Variants in GPR89B observed in about 807,000 individuals in gnomAD.
GPR89B encodes the protein golgi pH regulator B.
A neutral mutation model predicts 52.4 loss-of-function variants in GPR89B; 25 were observed. That is an observed-to-expected ratio of 0.48 (90% CI 0.35 to 0.67). The LOEUF is 0.67. GPR89B is among the 30% of genes least tolerant of loss of function. The pLI, the probability that GPR89B is intolerant of heterozygous loss-of-function variation, is 0.01. For missense variants in GPR89B, 146 were observed against 450.2 expected, an observed-to-expected ratio of 0.32 and a Z score of 6.11; for synonymous variants, 52 against 151.2, an observed-to-expected ratio of 0.34 and a Z score of 4.81.
At chr1:148,004,886 AACACACACACACACACACAC>A in the GPR89B span, among the ~76,000 whole-genome samples, 10 of 111,976 alleles carry the variant, frequency 8.9e-5, 1 homozygote, top group South Asian at 6.9e-4. Flanking sequence ...ATCTCTACAA[AACACACACACACACACACAC>A]ACACACACAC....
At chr1:148,018,753 G>T in the GPR89B span, among the ~76,000 whole-genome samples, 1 of 151,466 alleles carries the variant, frequency 6.6e-6, no homozygotes, top group Admixed American at 6.6e-5. Flanking sequence ...CACAACCTCC[G>T]CCTCCCAGGT....
chr1:148,025,281 A>G, the GPR89B span, among the ~76,000 whole-genome samples: 2 of 151,868 alleles, frequency 1.3e-5, no homozygotes, highest in African/African-American at 4.9e-5. Flanking sequence ...TCCTAATTGT[A>G]GAATGAGCAA....
the GPR89B span, chr1:148,011,570 G>C: frequency 6.6e-6 from 1 of 152,282 alleles, no homozygotes; most frequent in African/African-American, 2.4e-5. Flanking sequence ...TTCGTGAGTC[G>C]GAGAGCCATC....
At chr1:147,988,917 C>T (rs1658861802) in intron 12 of GPR89B, among the ~76,000 whole-genome samples, 2 of 136,158 alleles carry the variant, frequency 1.5e-5, no homozygotes, top group African/African-American at 5.5e-5. Flanking sequence ...AAGAATTCTG[C>T]CTCCTGAGAC....
chr1:147,999,621 C>T, the GPR89B span, among the ~76,000 whole-genome samples: 1 of 150,350 alleles, frequency 6.7e-6, no homozygotes. Flanking sequence ...AAAGTGTGCT[C>T]CTTCTTACAT....
intron 10 of GPR89B, among the ~76,000 whole-genome samples, chr1:147,982,323 G>A (rs1439794338): frequency 1.3e-5 from 2 of 151,750 alleles, no homozygotes; most frequent in African/African-American, 4.9e-5. Flanking sequence ...GCCTCCCAAA[G>A]TGCTAGGATT....
intron 10 of GPR89B, among the ~76,000 whole-genome samples, chr1:147,971,090 T>C (rs1403569273): frequency 6.6e-6 from 1 of 151,740 alleles, no homozygotes; most frequent in African/African-American, 2.4e-5. Flanking sequence ...TGAATGAAGA[T>C]AGTATGTTCA....
At chr1:147,964,273 A>G (rs1178364918) in intron 7 of GPR89B, among the ~76,000 whole-genome samples, 1 of 152,022 alleles carries the variant, frequency 6.6e-6, no homozygotes, top group Non-Finnish European at 1.5e-5. Flanking sequence ...CTGACTTCCT[A>G]CTAGAAACAA....
chr1:148,013,386 G>C, the GPR89B span, among the ~76,000 whole-genome samples: 1 of 152,114 alleles, frequency 6.6e-6, no homozygotes, highest in East Asian at 1.9e-4. Context: ...TGGTAGAGAC[G>C]CTGCAAAGCG....
At chr1:148,011,126 A>G in the GPR89B span, 1 of 152,158 alleles carries the variant, frequency 6.6e-6, no homozygotes, top group South Asian at 2.1e-4. Flanking sequence ...TCCCGGCCAA[A>G]GCAGGCCTTC....
the GPR89B span, among the ~76,000 whole-genome samples, chr1:148,018,609 A>G: frequency 1.3e-5 from 2 of 151,284 alleles, no homozygotes; most frequent in African/African-American, 4.9e-5. Flanking sequence ...GGAAATGTGG[A>G]CTCTAATGGT....
intron 1 of GPR89B, among the ~76,000 whole-genome samples, chr1:147,935,152 C>T (rs1180319251): frequency 1.3e-5 from 2 of 152,104 alleles, no homozygotes; most frequent in African/African-American, 4.8e-5. Context: ...TTTGGGAGGG[C>T]AGAGAGGGCC....
the GPR89B span, among the ~76,000 whole-genome samples, chr1:148,003,628 A>G: frequency 6.6e-6 from 1 of 151,924 alleles, no homozygotes; most frequent in Non-Finnish European, 1.5e-5. Flanking sequence ...GATGCCCAAC[A>G]TCAGACCCTC....
chr1:147,983,581 C>A (rs1216401668), intron 10 of GPR89B, among the ~76,000 whole-genome samples: 2 of 152,172 alleles, frequency 1.3e-5, no homozygotes, highest in Admixed American at 6.5e-5. Flanking sequence ...AAAAAATGCT[C>A]ACCATCACTG....
At chr1:147,983,592 G>A (rs1658432974) in intron 10 of GPR89B, among the ~76,000 whole-genome samples, 1 of 152,066 alleles carries the variant, frequency 6.6e-6, no homozygotes, top group African/African-American at 2.4e-5. Context: ...ACCATCACTG[G>A]CCATCAGAGA....
downstream of GPR89B, chr1:147,995,588 C>T (rs1220148130): frequency 1.9e-6 from 3 of 1,607,788 alleles, no homozygotes; most frequent in Admixed American, 1.7e-5. Flanking sequence ...AAATAGGCCC[C>T]CACTCACCCG....
At chr1:147,962,571 ATG>A (rs1656666579) in intron 7 of GPR89B, among the ~76,000 whole-genome samples, 1 of 151,978 alleles carries the variant, frequency 6.6e-6, no homozygotes, top group Non-Finnish European at 1.5e-5. Flanking sequence ...GGTTTAAAAA[ATG>A]AATCTAAATC....
the GPR89B span, among the ~76,000 whole-genome samples, chr1:148,019,279 G>A: frequency 4.0e-5 from 6 of 151,344 alleles, no homozygotes; most frequent in Non-Finnish European, 8.8e-5. Flanking sequence ...CGGGTCAAAA[G>A]CAGTGCACAT....
At chr1:147,957,531 C>T (rs1280487217) in intron 7 of GPR89B, among the ~76,000 whole-genome samples, 1 of 151,878 alleles carries the variant, frequency 6.6e-6, no homozygotes. Context: ...TTTTAGAAAA[C>T]CTAGTTTACG....
Sources: allele counts gnomAD v4.1 joint callset (sites outside exome capture counted in the v4.1 genomes callset), GRCh38; gene constraint gnomAD v4.1.1; transcripts MANE v1.5; gene names NCBI Gene and HGNC (gene_info 2026-07-23, HGNC 2026-07-21).